CSMD3: variants seen among roughly 807,000 people sequenced by gnomAD.
CSMD3 encodes CUB and Sushi multiple domains 3, also known as CUB and sushi domain-containing protein 3.
CSMD3 carries 177 observed loss-of-function variants against 435.2 expected under a neutral mutation model. That is an observed-to-expected ratio of 0.41 (90% CI 0.36 to 0.46). The LOEUF (loss-of-function observed/expected upper bound fraction) is 0.46, where lower values mean the gene tolerates loss of function less well. CSMD3 is among the 20% of genes least tolerant of loss of function. The probability of loss-of-function intolerance (pLI) is 0.34; values close to 1 mark genes in which losing one functional copy is unlikely to be tolerated. For synonymous variants in CSMD3, 1,656 were observed against 1,520.5 expected (o/e 1.09, Z -2.07); for missense variants, 4,265 against 4,504.6 (o/e 0.95, Z 1.52).
At chr8:113,372,495 C>T (rs1424894879) in intron 1 of CSMD3, among the ~76,000 whole-genome samples, 1 of 152,052 alleles carries the variant, frequency 6.6e-6, no homozygotes, top group Non-Finnish European at 1.5e-5. Flanking sequence ...TTTTTTATGT[C>T]CTGATTTTGA....
At chr8:112,606,148 T>A (rs1832773691) in intron 22 of CSMD3, among the ~76,000 whole-genome samples, 1 of 152,118 alleles carries the variant, frequency 6.6e-6, no homozygotes, top group Admixed American at 6.6e-5. Context: ...AAAAACTGAC[T>A]TATCAAAGGA....
At chr8:112,564,806 T>C (rs1186992823) in intron 24 of CSMD3, among the ~76,000 whole-genome samples, 1 of 152,132 alleles carries the variant, frequency 6.6e-6, no homozygotes, top group Non-Finnish European at 1.5e-5. Flanking sequence ...AGGTCAGAAA[T>C]GCTACTGATT....
At chr8:113,275,637 A>G (rs1265918049) in intron 3 of CSMD3, among the ~76,000 whole-genome samples, 2 of 152,076 alleles carry the variant, frequency 1.3e-5, no homozygotes, top group Non-Finnish European at 1.5e-5. Flanking sequence ...AAATGATTAT[A>G]TAGAGGAGGA....
chr8:112,811,691 C>T (rs1400651044), intron 12 of CSMD3, among the ~76,000 whole-genome samples: 3 of 152,138 alleles, frequency 2.0e-5, no homozygotes, highest in Non-Finnish European at 4.4e-5. Context: ...CTACAGATTG[C>T]CTCTGATGCA....
At chr8:113,131,396 C>T (rs1041600707) in intron 4 of CSMD3, among the ~76,000 whole-genome samples, 14 of 152,080 alleles carry the variant, frequency 9.2e-5, no homozygotes, top group African/African-American at 3.4e-4. Flanking sequence ...GTCTGAGCCA[C>T]TCCACCTCTA....
chr8:112,615,540 A>G (rs1181659383), intron 22 of CSMD3, among the ~76,000 whole-genome samples: 1 of 152,120 alleles, frequency 6.6e-6, no homozygotes, highest in African/African-American at 2.4e-5. Flanking sequence ...AAAAAGTTCA[A>G]ATAAATGATT....
At chr8:112,232,418 G>C (rs2129911119) in intron 68 of CSMD3, among the ~76,000 whole-genome samples, 1 of 152,240 alleles carries the variant, frequency 6.6e-6, no homozygotes, top group East Asian at 1.9e-4. Context: ...GACCAGCCTA[G>C]CCAACATGGT....
intron 63 of CSMD3, among the ~76,000 whole-genome samples, chr8:112,247,793 CTG>C (rs1018274022): frequency 1.3e-5 from 2 of 152,088 alleles, no homozygotes; most frequent in African/African-American, 4.8e-5. Context: ...GAATCAGAAA[CTG>C]TTAGGTTAGA....
At chr8:112,883,956 G>T (rs1216376869) in intron 10 of CSMD3, among the ~76,000 whole-genome samples, 1 of 151,886 alleles carries the variant, frequency 6.6e-6, no homozygotes, top group African/African-American at 2.4e-5. Flanking sequence ...CACTAAACAG[G>T]CTGAAGTCTC....
Position 112,552,698 on chromosome 8 carries a change from T to C in CSMD3, c.4257A>G (p.Lys1419=), listed in dbSNP as rs2131202390. 1.9e-6 allele frequency: 3 copies of C among 1,611,982 alleles called. No individual in the cohort carries two copies. Among genetic ancestry groups the C allele is most frequent in the Non-Finnish European group, 2.5e-6 (3 of 1,178,736 alleles). The change falls in exon 26 of 71, where the codon AAA becomes AAG. Residue 1419 remains lysine, a synonymous_variant. Transcript: ENST00000297405. ...ATAAGATTCTTCCTGATGATTCTCC[T>C]TTAAAACGACCTCCACATTCAGCTG... ...SCIAECGGRF[K]GESSGRILSP...
At chr8:113,410,498 C>T (rs1374803583) in intron 1 of CSMD3, among the ~76,000 whole-genome samples, 1 of 152,140 alleles carries the variant, frequency 6.6e-6, no homozygotes, top group Admixed American at 6.5e-5. Context: ...GTCTTCTATA[C>T]AGTGAACTCC....
chr8:112,876,461 C>T (rs117334830), intron 10 of CSMD3, among the ~76,000 whole-genome samples: 2,587 of 152,204 alleles, frequency 0.017, 32 homozygotes, highest in Middle Eastern at 0.037. Flanking sequence ...AATCCAGCAG[C>T]GTTATCAAAA....
At position 112,224,734 on chromosome 8, in the gene CSMD3, G is replaced by T. The variant is rs762575507; in HGVS notation, c.*37C>A. 1.2e-6 allele frequency: 2 copies of T among 1,610,436 alleles called. No homozygotes were observed. Among genetic ancestry groups the T allele is most frequent in the Non-Finnish European group, 1.7e-6 (2 of 1,176,664 alleles). On this transcript the variant is annotated 3_prime_UTR_variant, in exon 71 of 71. Coordinates refer to ENST00000297405, the MANE Select transcript of CSMD3 (RefSeq NM_198123.2). ...CTAAATGTGCACTGTTTTGTGTGTC[G>T]ATTTCCAAGCTTCTGAAGAAGGCAA...
chr8:112,976,469 G>A (rs956863743), intron 6 of CSMD3, among the ~76,000 whole-genome samples: 1 of 151,972 alleles, frequency 6.6e-6, no homozygotes, highest in Non-Finnish European at 1.5e-5. Context: ...TTTTAGCAAC[G>A]AATGCCTGGC....
In CSMD3 at chr8:112,418,576, G is replaced by A. The variant is rs1448635932; in HGVS notation, c.5396-9544C>T. On this transcript the variant is annotated intron_variant, in intron 32 of 70. Coordinates refer to ENST00000297405, the MANE Select transcript of CSMD3 (RefSeq NM_198123.2). ...TCATTTAAAGATTATTACAAGATGT[G>A]CAATTAAAACTTCAATTTTATGAAA... 4.6e-5 allele frequency among the ~76,000 whole-genome samples: 7 copies of A among 152,102 alleles called. No individual in the cohort carries two copies. The East Asian group carries it at 1.4e-3, about 29-fold the overall frequency.
intron 4 of CSMD3, among the ~76,000 whole-genome samples, chr8:113,128,918 GATACTT>G (rs1218855623): frequency 6.6e-6 from 1 of 152,082 alleles, no homozygotes; most frequent in African/African-American, 2.4e-5. Flanking sequence ...TGGGTAGTAT[GATACTT>G]TATCAAATTG....
At chr8:112,675,838 G>C (rs960110354) in intron 16 of CSMD3, among the ~76,000 whole-genome samples, 1 of 152,082 alleles carries the variant, frequency 6.6e-6, no homozygotes, top group Non-Finnish European at 1.5e-5. Flanking sequence ...CAGTTAGGGG[G>C]CTACGGATTA....
intron 4 of CSMD3, among the ~76,000 whole-genome samples, chr8:113,114,572 G>GTGTA (rs2090766790): frequency 6.6e-6 from 1 of 152,116 alleles, no homozygotes; most frequent in Non-Finnish European, 1.5e-5. Context: ...GAAGACCACA[G>GTGTA]TGTATAGATT....
intron 32 of CSMD3, among the ~76,000 whole-genome samples, chr8:112,422,483 G>A (rs1016476607): frequency 7.2e-5 from 11 of 152,238 alleles, no homozygotes; most frequent in Middle Eastern, 6.8e-3. Context: ...AAAGTAAAAC[G>A]TTAGTCATAG....
Sources: allele counts gnomAD v4.1 joint callset (sites outside exome capture counted in the v4.1 genomes callset), GRCh38; gene constraint gnomAD v4.1.1; transcripts MANE v1.5; gene names NCBI Gene and HGNC (gene_info 2026-07-23, HGNC 2026-07-21).